TENM3: variants seen among roughly 807,000 people sequenced by gnomAD.
TENM3 encodes teneurin-3.
A neutral mutation model predicts 255.1 loss-of-function variants in TENM3; 63 were observed. That is an observed-to-expected ratio of 0.25 (90% CI 0.20 to 0.30). The LOEUF is 0.30. Among genes scored for constraint, TENM3 ranks in the 10% least tolerant of loss-of-function variants. The pLI is 1.00. For synonymous variants in TENM3, 1,306 were observed against 1,322.3 expected, an observed-to-expected ratio of 0.99 and a Z score of 0.27; for missense variants, 2,929 against 3,461.1, an observed-to-expected ratio of 0.85 and a Z score of 3.86.
chr4:182,466,884 G>A (rs910260999), intron 3 of TENM3, among the ~76,000 whole-genome samples: 2 of 149,760 alleles, frequency 1.3e-5, no homozygotes, highest in African/African-American at 2.4e-5. Flanking sequence ...CCATTCCTTA[G>A]GGGGTTTAGA....
chr4:182,191,581 T>A (rs530587179), intron 1 of TENM3, among the ~76,000 whole-genome samples: 22 of 152,304 alleles, frequency 1.4e-4, no homozygotes, highest in African/African-American at 3.8e-4. Flanking sequence ...TTGATTCTTT[T>A]AGGATGGTTA....
At chr4:182,128,253 A>AT in the TENM3 span, among the ~76,000 whole-genome samples, 27 of 151,502 alleles carry the variant, frequency 1.8e-4, no homozygotes, top group African/African-American at 2.4e-4. Context: ...CTATGTAGGC[A>AT]TTTTTTTTGA....
At chr4:182,595,368 A>G (rs1747105701) in intron 3 of TENM3, among the ~76,000 whole-genome samples, 1 of 152,070 alleles carries the variant, frequency 6.6e-6, no homozygotes, top group South Asian at 2.1e-4. Context: ...TCCTGGTATA[A>G]TAGTCAACAT....
the TENM3 span, among the ~76,000 whole-genome samples, chr4:181,709,994 A>G: frequency 1.1e-3 from 166 of 152,272 alleles, no homozygotes; most frequent in African/African-American, 3.9e-3. Context: ...TTTACTCTGG[A>G]CACATTAAAT....
chr4:182,772,474 C>G (rs1764323967), intron 22 of TENM3: 1 of 152,050 alleles, frequency 6.6e-6, no homozygotes, highest in African/African-American at 2.4e-5. Flanking sequence ...GTGAAGCAGT[C>G]TTAGAATCAA....
rs2151090932 is a variant in TENM3, at chr4:182,413,009, A to G, written c.511+66080A>G. On this transcript the variant is annotated intron_variant, in intron 3 of 27. Coordinates refer to ENST00000511685, the MANE Select transcript of TENM3 (RefSeq NM_001080477.4). ...AAACTCTAGGTTCAACATAATTGGA[A>G]AAAATTATGTTGACCTGACAAGTAG... Among the ~76,000 whole-genome samples, 5 of 152,296 alleles carry G rather than the reference A, an allele frequency of 3.3e-5. 2 individuals carry two copies. In the Middle Eastern group the frequency reaches 0.01, roughly 311 times the overall value.
intron 1 of TENM3, among the ~76,000 whole-genome samples, chr4:182,291,909 C>T (rs1761156568): frequency 6.6e-6 from 1 of 151,978 alleles, no homozygotes; most frequent in Non-Finnish European, 1.5e-5. Flanking sequence ...CAGACTCCAA[C>T]CATGTTATGT....
the TENM3 span, among the ~76,000 whole-genome samples, chr4:181,726,190 A>G: frequency 6.6e-6 from 1 of 152,220 alleles, no homozygotes. Context: ...TTCAAAATAT[A>G]AATTTATTCA....
chr4:181,785,840 AC>A, the TENM3 span, among the ~76,000 whole-genome samples: 2 of 151,826 alleles, frequency 1.3e-5, no homozygotes, highest in African/African-American at 4.8e-5. Flanking sequence ...ACACACACAA[AC>A]ACACACACTT....
chr4:182,798,479 T>C (rs1475175816), intron 27 of TENM3, among the ~76,000 whole-genome samples: 1 of 152,242 alleles, frequency 6.6e-6, no homozygotes, highest in Non-Finnish European at 1.5e-5. Context: ...CATCTAGGTT[T>C]GTGTAAGTGC....
intron 4 of TENM3, among the ~76,000 whole-genome samples, chr4:182,604,065 A>T (rs768851605): frequency 6.6e-6 from 1 of 152,138 alleles, no homozygotes; most frequent in Non-Finnish European, 1.5e-5. Context: ...ATGTTTCAGT[A>T]TAGCTATCAT....
chr4:182,107,151 T>TACACACACACAC, the TENM3 span, among the ~76,000 whole-genome samples: 523 of 146,066 alleles, frequency 3.6e-3, 3 homozygotes, highest in South Asian at 0.011. Context: ...AAACAGAACA[T>TACACACACACAC]ACACACACAC....
At chr4:182,660,997 T>A (rs928911305) in intron 6 of TENM3, among the ~76,000 whole-genome samples, 1 of 152,108 alleles carries the variant, frequency 6.6e-6, no homozygotes, top group Non-Finnish European at 1.5e-5. Context: ...TAGCCTAGGA[T>A]AATTTAGGAT....
chr4:182,740,263 C>T (rs1761502792), intron 18 of TENM3, among the ~76,000 whole-genome samples: 2 of 152,190 alleles, frequency 1.3e-5, no homozygotes, highest in Admixed American at 1.3e-4. Context: ...GTGCCACATG[C>T]AGCACACATT....
intron 1 of TENM3, among the ~76,000 whole-genome samples, chr4:182,249,790 G>C (rs1259842150): frequency 6.6e-6 from 1 of 152,024 alleles, no homozygotes; most frequent in African/African-American, 2.4e-5. Context: ...TTAGAGACTA[G>C]GTTTTGCTGT....
chr4:181,668,787 C>T, the TENM3 span, among the ~76,000 whole-genome samples: 1 of 152,168 alleles, frequency 6.6e-6, no homozygotes, highest in Non-Finnish European at 1.5e-5. Flanking sequence ...TCCTACTCCT[C>T]CGCCTTTGCC....
the TENM3 span, among the ~76,000 whole-genome samples, chr4:181,606,071 T>C: frequency 6.6e-6 from 1 of 152,184 alleles, no homozygotes; most frequent in South Asian, 2.1e-4. Context: ...GCCAAAACTC[T>C]TGATTCTAAG....
the TENM3 span, among the ~76,000 whole-genome samples, chr4:181,464,231 C>CT: frequency 6.6e-6 from 1 of 152,194 alleles, no homozygotes; most frequent in African/African-American, 2.4e-5. Context: ...ACGCCAAACT[C>CT]TTTTCCAAAG....
chr4:182,579,245 A>G (rs1322822894), intron 3 of TENM3, among the ~76,000 whole-genome samples: 1 of 152,230 alleles, frequency 6.6e-6, no homozygotes, highest in Non-Finnish European at 1.5e-5. Context: ...GAGTAGAGAA[A>G]GTCAGTAGGC....
Sources: allele counts gnomAD v4.1 joint callset (sites outside exome capture counted in the v4.1 genomes callset), GRCh38; gene constraint gnomAD v4.1.1; transcripts MANE v1.5; gene names NCBI Gene and HGNC (gene_info 2026-07-23, HGNC 2026-07-21).